QTMAN: variants seen among roughly 807,000 people sequenced by gnomAD.
QTMAN encodes the protein tRNA-queuosine alpha-mannosyltransferase.
chr2:143,956,997 G>GT, the QTMAN span, among the ~76,000 whole-genome samples: 2 of 152,132 alleles, frequency 1.3e-5, no homozygotes, highest in Non-Finnish European at 2.9e-5. Flanking sequence ...ACGATTGTAT[G>GT]TGGGGGGAAA....
the QTMAN span, among the ~76,000 whole-genome samples, chr2:143,955,905 T>G: frequency 3.3e-5 from 5 of 152,334 alleles, no homozygotes; most frequent in South Asian, 1.0e-3. Context: ...AGCTGCCAGC[T>G]GTGCACATTA....
chr2:144,293,149 T>C, the QTMAN span, among the ~76,000 whole-genome samples: 1 of 152,132 alleles, frequency 6.6e-6, no homozygotes, highest in East Asian at 1.9e-4. Flanking sequence ...TAAATTAACA[T>C]TGAGTGCATA....
the QTMAN span, among the ~76,000 whole-genome samples, chr2:144,261,186 C>T: frequency 1.3e-5 from 2 of 152,202 alleles, no homozygotes; most frequent in African/African-American, 2.4e-5. Context: ...TCCCTAAGAA[C>T]ACATTTAATC....
At chr2:144,231,843 G>GGTGTGTGTGTGTGTGT in the QTMAN span, among the ~76,000 whole-genome samples, 9 of 138,448 alleles carry the variant, frequency 6.5e-5, no homozygotes, top group South Asian at 7.3e-4. Flanking sequence ...GAATGAAAGA[G>GGTGTGTGTGTGTGTGT]GTGTGTGTGT....
the QTMAN span, chr2:143,970,647 A>G: frequency 2.1e-6 from 3 of 1,444,312 alleles, no homozygotes; most frequent in African/African-American, 4.2e-5. Context: ...AATTCAACAG[A>G]GGTACCTGGG....
chr2:144,032,358 C>T, the QTMAN span, among the ~76,000 whole-genome samples: 1 of 152,266 alleles, frequency 6.6e-6, no homozygotes, highest in Admixed American at 6.5e-5. Context: ...AACCCAGCAC[C>T]AAATGTGGAA....
At chr2:144,039,583 T>TA in the QTMAN span, among the ~76,000 whole-genome samples, 3 of 152,314 alleles carry the variant, frequency 2.0e-5, no homozygotes, top group South Asian at 6.2e-4. Context: ...TAATGGAAGA[T>TA]AAAAATGCAT....
the QTMAN span, among the ~76,000 whole-genome samples, chr2:143,968,152 T>C: frequency 1.3e-5 from 2 of 152,188 alleles, no homozygotes; most frequent in Non-Finnish European, 2.9e-5. Flanking sequence ...TGAAGTGCCA[T>C]GGCCGTGAAG....
At chr2:144,082,777 G>A in the QTMAN span, among the ~76,000 whole-genome samples, 1 of 152,068 alleles carries the variant, frequency 6.6e-6, no homozygotes, top group East Asian at 1.9e-4. Flanking sequence ...CTCAGTCACG[G>A]GCTCTGTAGA....
the QTMAN span, among the ~76,000 whole-genome samples, chr2:144,162,376 A>G: frequency 6.6e-6 from 1 of 152,192 alleles, no homozygotes; most frequent in Non-Finnish European, 1.5e-5. Context: ...AATTCAATGA[A>G]TAAAGCAGAA....
the QTMAN span, among the ~76,000 whole-genome samples, chr2:143,977,577 G>A: frequency 6.6e-6 from 1 of 152,124 alleles, no homozygotes; most frequent in African/African-American, 2.4e-5. Context: ...CATAAAAGCG[G>A]AAGTGTGGCT....
chr2:144,012,879 T>C, the QTMAN span, among the ~76,000 whole-genome samples: 3 of 152,066 alleles, frequency 2.0e-5, no homozygotes, highest in African/African-American at 7.2e-5. Flanking sequence ...AGGGTGTTAG[T>C]AAGTGGAATA....
chr2:144,133,262 TATA>T, the QTMAN span, among the ~76,000 whole-genome samples: 1 of 70,336 alleles, frequency 1.4e-5, no homozygotes, highest in Non-Finnish European at 2.5e-5. Flanking sequence ...TATAAATATA[TATA>T]AATATATATT....
the QTMAN span, among the ~76,000 whole-genome samples, chr2:143,989,388 A>G: frequency 6.6e-6 from 1 of 152,208 alleles, no homozygotes; most frequent in African/African-American, 2.4e-5. Flanking sequence ...AGATAAACAG[A>G]TACTCAAGGA....
chr2:144,130,853 G>A, the QTMAN span, among the ~76,000 whole-genome samples: 3 of 151,792 alleles, frequency 2.0e-5, no homozygotes, highest in African/African-American at 4.8e-5. Flanking sequence ...ACACCACACT[G>A]TCTTATCAAC....
the QTMAN span, among the ~76,000 whole-genome samples, chr2:143,981,113 G>A: frequency 1.3e-5 from 2 of 152,154 alleles, no homozygotes; most frequent in African/African-American, 4.8e-5. Context: ...TACTACTGAT[G>A]ATTTCATGAA....
At chr2:144,061,637 T>C in the QTMAN span, among the ~76,000 whole-genome samples, 1 of 152,194 alleles carries the variant, frequency 6.6e-6, no homozygotes, top group Admixed American at 6.5e-5. Context: ...AAGTAGGTAC[T>C]ATTAATGCTG....
the QTMAN span, among the ~76,000 whole-genome samples, chr2:144,096,318 G>A: frequency 6.6e-6 from 1 of 152,116 alleles, no homozygotes. Flanking sequence ...CAATAGTGAA[G>A]ATATCCACTT....
chr2:144,241,815 C>G, the QTMAN span, among the ~76,000 whole-genome samples: 4 of 151,306 alleles, frequency 2.6e-5, no homozygotes, highest in Non-Finnish European at 5.9e-5. Context: ...ACTTAGCATT[C>G]TACCACATGC....
Sources: gnomAD v4.1 joint callset for allele counts (sites outside exome capture counted in the v4.1 genomes callset) on GRCh38, gnomAD v4.1.1 for gene constraint, MANE v1.5 for transcripts, NCBI Gene and HGNC (gene_info 2026-07-23, HGNC 2026-07-21) for gene names.